FAM83B: variants seen among roughly 807,000 people sequenced by gnomAD.
FAM83B encodes the protein scaffolding CK1 anchoring protein B.
In FAM83B, 26 loss-of-function variants were observed where a neutral mutation model predicts 38.8. The observed-to-expected ratio is 0.67, with a 90% CI of 0.49 to 0.93. The LOEUF is 0.93. Among genes scored for constraint, FAM83B ranks in the 40% least tolerant of loss-of-function variants. The pLI, the probability that FAM83B is intolerant of heterozygous loss-of-function variation, is 0.00. For synonymous variants in FAM83B, 419 were observed against 423.1 expected (o/e 0.99, Z 0.12); for missense variants, 1,237 against 1,197.3 (o/e 1.03, Z -0.49).
chr6:54,881,625 A>T (rs73439707), intron 2 of FAM83B, among the ~76,000 whole-genome samples: 1 of 152,166 alleles, frequency 6.6e-6, no homozygotes, highest in African/African-American at 2.4e-5. Flanking sequence ...TTACTGAAAA[A>T]AAAATAAAAT....
chr6:54,934,778 A>G (rs542060398), intron 4 of FAM83B, among the ~76,000 whole-genome samples: 7 of 152,242 alleles, frequency 4.6e-5, no homozygotes, highest in East Asian at 1.9e-4. Flanking sequence ...CAACTGCTCT[A>G]TATGAGACTT....
rs369730996 is a variant in FAM83B at position 54,941,323 on chromosome 6, T to A, written c.2352T>A (p.Asp784Glu). ...KLRSLLSLTP[D>E]KKENLSKNKA... ...GGTCATTACTTAGCCTTACCCCAGA[T>A]AAGAAAGAAAATCTATCCAAAAATA... is the stretch of plus-strand genomic sequence containing the variant. The change falls in exon 5 of 5, where the codon GAT becomes GAA. Residue 784 changes from aspartate (D) to glutamate (E), a missense_variant. Asp to Glu is a conservative substitution (Grantham distance 45). Coordinates refer to ENST00000306858, the MANE Select transcript of FAM83B (RefSeq NM_001010872.3). The A allele has an allele frequency of 6.8e-6, 11 of 1,612,304 alleles. No homozygotes were observed. The highest frequency in any genetic ancestry group is 4.5e-5 in the East Asian group (2 of 44,878).
intron 2 of FAM83B, among the ~76,000 whole-genome samples, chr6:54,885,307 C>A (rs2127578950): frequency 6.6e-6 from 1 of 152,080 alleles, no homozygotes; most frequent in South Asian, 2.1e-4. Context: ...TTGTTCTGTA[C>A]AATTTTGTTG....
At chr6:54,858,942 A>AAT (rs1771508938) in intron 1 of FAM83B, among the ~76,000 whole-genome samples, 1 of 152,158 alleles carries the variant, frequency 6.6e-6, no homozygotes, top group Non-Finnish European at 1.5e-5. Flanking sequence ...GCCCTTTATA[A>AAT]ATGGGTAATA....
chr6:54,896,131 C>T (rs548288089), intron 2 of FAM83B, among the ~76,000 whole-genome samples: 2 of 152,134 alleles, frequency 1.3e-5, no homozygotes, highest in South Asian at 4.2e-4. Context: ...ACCTCGTGAT[C>T]CCCCCTGCTT....
chr6:54,860,388 A>G (rs1220353516), intron 1 of FAM83B, among the ~76,000 whole-genome samples: 9 of 152,196 alleles, frequency 5.9e-5, no homozygotes, highest in African/African-American at 1.7e-4. Context: ...TGCCCTATGC[A>G]TTTGGCTCTT....
At chr6:54,851,936 C>T (rs1257482816) in intron 1 of FAM83B, among the ~76,000 whole-genome samples, 8 of 150,710 alleles carry the variant, frequency 5.3e-5, no homozygotes, top group South Asian at 4.2e-4. Context: ...CGTGAGCCAC[C>T]GCGCCCGGCC....
chr6:54,941,192 G>A lies in FAM83B; in HGVS notation c.2221G>A (p.Ala741Thr). 6.2e-7 allele frequency: 1 copy of A among 1,614,004 alleles called. No individual in the cohort carries two copies. Among genetic ancestry groups the A allele is most frequent in the Non-Finnish European group, 8.5e-7 (1 of 1,179,976 alleles). The change falls in exon 5 of 5, where the codon GCT (alanine) becomes ACT (threonine). Residue 741 changes from alanine (A) to threonine (T), a missense_variant. Physicochemically the swap from Ala to Thr is moderately conservative, Grantham distance 58 (BLOSUM62 0). Coordinates refer to ENST00000306858, the MANE Select transcript of FAM83B (RefSeq NM_001010872.3). ...SGTTTKSVSI[A>T]ALLDVNKEES... is the part of the protein sequence containing the mutation. Reference sequence around the variant, plus strand: ...CACTACTACCAAATCAGTTTCCATTGCTGCTTTACTTGATGTGAATAAAGA... The same window carrying A: ...CACTACTACCAAATCAGTTTCCATTACTGCTTTACTTGATGTGAATAAAGA...
intron 2 of FAM83B, among the ~76,000 whole-genome samples, chr6:54,885,584 A>G (rs529572284): frequency 7.9e-5 from 12 of 151,996 alleles, no homozygotes; most frequent in African/African-American, 2.9e-4. Flanking sequence ...CTCTTTTCCA[A>G]CCCATATAAC....
chr6:54,877,769 A>T (rs1772035519), intron 2 of FAM83B, among the ~76,000 whole-genome samples: 1 of 152,204 alleles, frequency 6.6e-6, no homozygotes, highest in South Asian at 2.1e-4. Flanking sequence ...TACTGCGTTC[A>T]CGTGGTAGGT....
chr6:54,859,047 G>T (rs1021836), intron 1 of FAM83B, among the ~76,000 whole-genome samples: 1 of 151,200 alleles, frequency 6.6e-6, no homozygotes, highest in African/African-American at 2.4e-5. Context: ...TTCCTCCCCC[G>T]ACACCGTGCC....
At chr6:54,884,192 T>TA in intron 2 of FAM83B, among the ~76,000 whole-genome samples, 1 of 150,940 alleles carries the variant, frequency 6.6e-6, no homozygotes, top group Admixed American at 6.7e-5. Context: ...GTCCCAGCTA[T>TA]GCTGGAGGCT....
At chr6:54,871,115 C>A (rs1771842036) in intron 2 of FAM83B, among the ~76,000 whole-genome samples, 1 of 152,066 alleles carries the variant, frequency 6.6e-6, no homozygotes, top group Non-Finnish European at 1.5e-5. Flanking sequence ...GTGCTTTATG[C>A]TATTAAATAA....
chr6:54,869,216 C>T (rs1581889176), intron 1 of FAM83B, among the ~76,000 whole-genome samples: 1 of 152,168 alleles, frequency 6.6e-6, no homozygotes, highest in East Asian at 1.9e-4. Flanking sequence ...TATACTCTGT[C>T]CAGTCACTGA....
At chr6:54,882,429 A>G (rs1347344386) in intron 2 of FAM83B, among the ~76,000 whole-genome samples, 2 of 152,186 alleles carry the variant, frequency 1.3e-5, no homozygotes, top group African/African-American at 2.4e-5. Flanking sequence ...GTGAGGAATA[A>G]AAAAATAATT....
chr6:54,856,280 G>T (rs554062177), intron 1 of FAM83B, among the ~76,000 whole-genome samples: 1 of 152,164 alleles, frequency 6.6e-6, no homozygotes, highest in Non-Finnish European at 1.5e-5. Flanking sequence ...TGGCCAAGTC[G>T]TCTCCCTCTC....
intron 2 of FAM83B, among the ~76,000 whole-genome samples, chr6:54,914,247 A>G (rs1159543973): frequency 6.6e-6 from 1 of 152,318 alleles, no homozygotes; most frequent in Non-Finnish European, 1.5e-5. Context: ...GAATTTATTC[A>G]TGAATTATGT....
Position 54,939,903 on chromosome 6 carries a change from C to A in FAM83B, c.932C>A (p.Ser311Tyr). 6.2e-7 allele frequency: 1 copy of A among 1,614,008 alleles called. No individual in the cohort carries two copies. The highest frequency in any genetic ancestry group is 8.5e-7 in the Non-Finnish European group (1 of 1,179,960). Residue 311 changes from serine (S) to tyrosine (Y), a missense_variant, in exon 5 of 5, where the codon TCT becomes TAT. Transcript: ENST00000306858. ...AATGGCACTTACCAGCATTCGGTGT[C>A]TTCATTAGCATCTGTTTCCAGCCAG... The part of the protein sequence containing the change: ...WENGTYQHSV[S>Y]SLASVSSQRN...
At chr6:54,939,669 T>A (rs1203027625) in intron 4 of FAM83B, 37 bp from the exon 5 acceptor site, 26 of 1,520,038 alleles carry the variant, frequency 1.7e-5, no homozygotes, top group Non-Finnish European at 2.2e-5. Flanking sequence ...ATTATCAATC[T>A]TTTAAATGAT....
Sources: gnomAD v4.1 joint callset for allele counts (sites outside exome capture counted in the v4.1 genomes callset) on GRCh38, gnomAD v4.1.1 for gene constraint, MANE v1.5 for transcripts, NCBI Gene and HGNC (gene_info 2026-07-23, HGNC 2026-07-21) for gene names.